OTC: variants seen among roughly 807,000 people sequenced by gnomAD.
OTC encodes the protein ornithine transcarbamylase, also known as ornithine transcarbamylase, mitochondrial.
OTC carries 3 observed loss-of-function variants against 30.3 expected under a neutral mutation model. That is an observed-to-expected ratio of 0.10 (90% CI 0.05 to 0.26). The LOEUF (loss-of-function observed/expected upper bound fraction) is 0.26, where lower values mean the gene tolerates loss of function less well. Among genes scored for constraint, OTC ranks in the 10% least tolerant of loss-of-function variants. The pLI is 1.00. For missense variants in OTC, 194 were observed against 260.3 expected (o/e 0.75, Z 1.75); for synonymous variants, 111 against 99.7 (o/e 1.11, Z -0.67).
At chrX:38,406,178 G>A (rs190320349) in intron 6 of OTC, among the ~76,000 whole-genome samples, 1 of 111,917 alleles carries the variant, frequency 8.9e-6, no homozygotes, top group East Asian at 2.8e-4. Flanking sequence ...CCATCAATTT[G>A]TAAGTCTTCA....
At chrX:38,420,644 G>A (rs2068590442) in intron 9 of OTC, among the ~76,000 whole-genome samples, 1 of 110,467 alleles carries the variant, frequency 9.1e-6, no homozygotes, top group Non-Finnish European at 1.9e-5. Context: ...ATCAAACCAC[G>A]GTATAAACAC....
In OTC at chrX:38,412,702, C is replaced by G. The variant is rs151180587; in HGVS notation, c.1005+703C>G. Among the ~76,000 whole-genome samples, 16 of 112,059 alleles carry G rather than the reference C, an allele frequency of 1.4e-4. No individual in the cohort carries two copies. In the East Asian group the frequency reaches 4.2e-3, roughly 29 times the overall value. ...TTTAGCTTTTAGTGACTTAACTGGT[C>G]TCAATTACTGTATCAGCCAGGATCT... On this transcript the variant is annotated intron_variant, in intron 9 of 9. Coordinates refer to ENST00000039007, the MANE Select transcript of OTC (RefSeq NM_000531.6).
intron 1 of OTC, among the ~76,000 whole-genome samples, chrX:38,360,695 C>G (rs968852595): frequency 8.9e-6 from 1 of 111,850 alleles, no homozygotes; most frequent in African/African-American, 3.3e-5. Flanking sequence ...GCACAAATTT[C>G]AATTACCACA....
At chrX:38,368,005 A>T (rs1371936278) in intron 2 of OTC, among the ~76,000 whole-genome samples, 1 of 111,090 alleles carries the variant, frequency 9.0e-6, no homozygotes, top group Non-Finnish European at 1.9e-5. Flanking sequence ...GGAGTGAGCC[A>T]CCGTGCCCGG....
upstream of OTC, among the ~76,000 whole-genome samples, chrX:38,349,679 A>T (rs1235032656): frequency 8.9e-6 from 1 of 112,525 alleles, no homozygotes; most frequent in Non-Finnish European, 1.9e-5. Flanking sequence ...AGTCTGTGGT[A>T]TTCTGTTACA....
intron 3 of OTC, among the ~76,000 whole-genome samples, chrX:38,380,168 T>C (rs748270794): frequency 3.1e-4 from 35 of 111,864 alleles, no homozygotes; most frequent in African/African-American, 8.4e-4. Context: ...TTAATATCAG[T>C]CCATATTCAA....
At chrX:38,345,533 T>C in the OTC span, among the ~76,000 whole-genome samples, 1 of 87,663 alleles carries the variant, frequency 1.1e-5, no homozygotes, top group African/African-American at 4.0e-5. Context: ...GCTGCATAAC[T>C]CCTAAACCAT....
At chrX:38,341,342 A>C in the OTC span, among the ~76,000 whole-genome samples, 1 of 111,974 alleles carries the variant, frequency 8.9e-6, no homozygotes, top group Non-Finnish European at 1.9e-5. Flanking sequence ...CATTGGATAA[A>C]AAGAATATGG....
At chrX:38,413,678 G>GTT (rs1252067350) in intron 9 of OTC, among the ~76,000 whole-genome samples, 1 of 87,257 alleles carries the variant, frequency 1.1e-5, no homozygotes, top group African/African-American at 4.3e-5. Context: ...TTTTTTTTTT[G>GTT]TTTTTTTTTG....
Position 38,357,534 on chromosome X carries a change from T to C in OTC, c.77+4761T>C, listed in dbSNP as rs182729632. On this transcript the variant is annotated intron_variant, in intron 1 of 9. Transcript: ENST00000039007. ...AGAGTATCATTTAACACTGAATTTT[T>C]TCCTACTCTGGCAAAATCAGTTTCT... Among the ~76,000 whole-genome samples the C allele has an allele frequency of 4.1e-3, 462 of 112,673 alleles. 4 individuals carry two copies. The highest frequency in any genetic ancestry group is 0.014 in the African/African-American group (445 of 31,015).
At chrX:38,340,473 G>GTTTTTTTTTTTT in the OTC span, among the ~76,000 whole-genome samples, 1 of 56,126 alleles carries the variant, frequency 1.8e-5, no homozygotes, top group Non-Finnish European at 3.3e-5. Context: ...TTTTTTTTTT[G>GTTTTTTTTTTTT]TTTTTTTTTT....
At chrX:38,412,044 C>G in intron 9 of OTC, 45 bp downstream of exon 9, 1 of 1,172,080 alleles carries the variant, frequency 8.5e-7, no homozygotes, top group Non-Finnish European at 1.2e-6. Flanking sequence ...TTGTGTGGTT[C>G]CAACTTGGTC....
chrX:38,381,050 C>A (rs771135555), intron 3 of OTC, among the ~76,000 whole-genome samples: 159 of 112,143 alleles, frequency 1.4e-3, no homozygotes, highest in Non-Finnish European at 2.4e-3. Flanking sequence ...TTTTAGAGAA[C>A]CAAAACCAGG....
intron 3 of OTC, among the ~76,000 whole-genome samples, chrX:38,371,709 CT>C (rs1329488735): frequency 8.9e-6 from 1 of 111,746 alleles, no homozygotes; most frequent in African/African-American, 3.3e-5. Flanking sequence ...CTCCTTCCCC[CT>C]AAAGAGAAGG....
chrX:38,416,217 A>G (rs944718606), intron 9 of OTC, among the ~76,000 whole-genome samples: 19 of 111,936 alleles, frequency 1.7e-4, no homozygotes, highest in African/African-American at 5.8e-4. Flanking sequence ...GTCCTCTTTC[A>G]GCACTCAGAG....
chrX:38,400,899 T>G (rs1010890014), intron 4 of OTC, among the ~76,000 whole-genome samples: 3 of 112,714 alleles, frequency 2.7e-5, no homozygotes, highest in African/African-American at 9.7e-5. Flanking sequence ...ATCTTTTTTC[T>G]GTTGGATGAT....
chrX:38,338,348 AC>A, the OTC span, among the ~76,000 whole-genome samples: 7 of 112,035 alleles, frequency 6.2e-5, no homozygotes, highest in Admixed American at 1.9e-4. Context: ...ATTCCAGGTG[AC>A]CATAGGCAAC....
At position 38,371,613 on chromosome X, in the gene OTC, G is replaced by T. The variant is rs763730267; in HGVS notation, c.298+1736G>T. 7.2e-5 allele frequency among the ~76,000 whole-genome samples: 8 copies of T among 111,761 alleles called. No individual in the cohort carries two copies. The South Asian group carries it at 3.0e-3, about 42-fold the overall frequency. On this transcript the variant is annotated intron_variant, in intron 3 of 9. Transcript: ENST00000039007. Reference sequence around the variant, plus strand: ...TAGATATCAAAAAGAAAGTTCAGGGGGATTAAGCGACTTGCCAAATTCACT... The same window carrying T: ...TAGATATCAAAAAGAAAGTTCAGGGTGATTAAGCGACTTGCCAAATTCACT...
the OTC span, among the ~76,000 whole-genome samples, chrX:38,340,473 G>GTTTTTTTTTTTTTTTTTTTTTTTT: frequency 7.1e-5 from 4 of 56,119 alleles, no homozygotes; most frequent in Non-Finnish European, 1.3e-4. Flanking sequence ...TTTTTTTTTT[G>GTTTTTTTTTTTTTTTTTTTTTTTT]TTTTTTTTTT....
Sources: gnomAD v4.1 joint callset for allele counts (sites outside exome capture counted in the v4.1 genomes callset) on GRCh38, gnomAD v4.1.1 for gene constraint, MANE v1.5 for transcripts, NCBI Gene and HGNC (gene_info 2026-07-23, HGNC 2026-07-21) for gene names.